ZNF195: variants seen among roughly 807,000 people sequenced by gnomAD.
The protein encoded by ZNF195 is hypoxia-regulated factor-1.
Under a neutral mutation model 19.5 loss-of-function variants are expected in ZNF195, and 11 were observed. The observed-to-expected ratio is 0.57, with a 90% CI of 0.36 to 0.94. The LOEUF (loss-of-function observed/expected upper bound fraction) is 0.94. ZNF195 is among the 40% of genes least tolerant of loss of function. ZNF195 has a pLI of 0.01. For synonymous variants in ZNF195, 214 were observed against 248.1 expected (o/e 0.86, Z 1.29); for missense variants, 582 against 709.0 (o/e 0.82, Z 2.03).
At chr11:3,366,009 G>A (rs1848862258) in intron 3 of ZNF195, among the ~76,000 whole-genome samples, 1 of 152,054 alleles carries the variant, frequency 6.6e-6, no homozygotes, top group Non-Finnish European at 1.5e-5. Context: ...TATAATCCCA[G>A]CACTTTGGGA....
At chr11:3,378,918 A>T in intron 1 of ZNF195, 120 bp downstream of exon 1, 3 of 1,204,014 alleles carry the variant, frequency 2.5e-6, no homozygotes, top group Non-Finnish European at 3.2e-6. Context: ...GTGCAGCTGG[A>T]GGGGCCTCGG....
intron 3 of ZNF195, among the ~76,000 whole-genome samples, chr11:3,363,744 T>A (rs1848737688): frequency 6.6e-6 from 1 of 152,224 alleles, no homozygotes; most frequent in African/African-American, 2.4e-5. Context: ...GTTGGAGGTA[T>A]CACACTGTCT....
At chr11:3,372,279 C>G (rs1237546736) in intron 1 of ZNF195, among the ~76,000 whole-genome samples, 1 of 152,102 alleles carries the variant, frequency 6.6e-6, no homozygotes, top group East Asian at 1.9e-4. Flanking sequence ...GAAGCAAAAC[C>G]TTTCAGATTA....
chr11:3,362,627 TA>T, intron 3 of ZNF195: 2 of 555,114 alleles, frequency 3.6e-6, no homozygotes, highest in Non-Finnish European at 3.3e-6. Context: ...AAAGAAAATT[TA>T]AAAAGAGTCA....
chr11:3,361,335 T>C (rs1848623761), intron 4 of ZNF195, among the ~76,000 whole-genome samples: 1 of 152,124 alleles, frequency 6.6e-6, no homozygotes, highest in Admixed American at 6.5e-5. Context: ...GTACAAAGTA[T>C]TAGGGTCACA....
chr11:3,364,969 C>A (rs1194743757), intron 3 of ZNF195, among the ~76,000 whole-genome samples: 1 of 152,052 alleles, frequency 6.6e-6, no homozygotes, highest in Non-Finnish European at 1.5e-5. Flanking sequence ...AAATTCCATG[C>A]AATTAGTAAC....
Position 3,366,685 on chromosome 11 carries a change from C to T in ZNF195, c.226+4290G>A, listed in dbSNP as rs1848904139. Reference sequence around the variant, plus strand: ...AATGGCCACAGTAAAAAAAAAAAATCCAGACCTGTCAAGGATGTGAAGACA... The same window carrying T: ...AATGGCCACAGTAAAAAAAAAAAATTCAGACCTGTCAAGGATGTGAAGACA... On this transcript the variant is annotated intron_variant, in intron 3 of 5. Transcript: ENST00000399602. 6 of 162,598 alleles carry T rather than the reference C, an allele frequency of 3.7e-5. No homozygotes were observed. In the South Asian group the frequency reaches 7.1e-4, roughly 19 times the overall value. The allele number at this position is 162,598 out of a possible 1,614,324, so 10.1% of individuals were successfully genotyped here.
chr11:3,371,765 G>A (rs1378852967), intron 1 of ZNF195, 62 bp from the exon 2 acceptor site: 2 of 1,527,724 alleles, frequency 1.3e-6, no homozygotes, highest in Middle Eastern at 1.8e-4. Context: ...CGAGTGAAGA[G>A]AACTGGTTCT....
Position 3,358,899 on chromosome 11 carries a change from G to T in ZNF195, c.*219C>A. On this transcript the variant is annotated 3_prime_UTR_variant, in exon 6 of 6. Coordinates refer to ENST00000399602, the MANE Select transcript of ZNF195 (RefSeq NM_001130520.3). ...TGTTGGGTTTCTCTACAAATTTTCTGAAAGTTTAAGCAACTGATGCAAGTC... is the reference window on the plus strand; with the variant it reads ...TGTTGGGTTTCTCTACAAATTTTCTTAAAGTTTAAGCAACTGATGCAAGTC... 1 of 529,172 alleles carries T rather than the reference G, an allele frequency of 1.9e-6. No homozygotes were observed. The highest frequency in any genetic ancestry group is 2.9e-6 in the Non-Finnish European group (1 of 347,362). The allele number at this position is 529,172 out of a possible 1,614,324, so 32.8% of individuals were successfully genotyped here. A position where few individuals can be genotyped will look rare whatever the true frequency, so the allele number is the denominator to read the frequency against.
chr11:3,378,039 G>A, intron 1 of ZNF195: 1 of 631,500 alleles, frequency 1.6e-6, no homozygotes, highest in Non-Finnish European at 2.0e-6. Flanking sequence ...GCTGGGCGCA[G>A]TGGCTCACGA....
chr11:3,359,762 C>T lies in ZNF195; in HGVS notation c.1246G>A (p.Asp416Asn). The change falls in exon 6 of 6, where the codon GAC becomes AAC. Residue 416 changes from aspartate to asparagine, a missense_variant. Asp to Asn is a conservative substitution (Grantham distance 23). Coordinates refer to ENST00000399602, the MANE Select transcript of ZNF195 (RefSeq NM_001130520.3). The surrounding 1 kb of genome is among the most constrained non-coding windows in gnomAD (Gnocchi z 5.5). ...TCTGAGAACCACTTGAAGATGCTGTCACATTCCTCACATTTGAAAGGTTTC... is the reference window on the plus strand; with the variant it reads ...TCTGAGAACCACTTGAAGATGCTGTTACATTCCTCACATTTGAAAGGTTTC... Reference protein sequence around the residue: ...GGKPFKCEECDSIFKWFSDLT... With the variant: ...GGKPFKCEECNSIFKWFSDLT... The T allele has an allele frequency of 6.2e-7, 1 of 1,614,188 alleles. No homozygotes were observed. Among genetic ancestry groups the T allele is most frequent in the Non-Finnish European group, 8.5e-7 (1 of 1,180,042 alleles).
intron 3 of ZNF195, chr11:3,362,422 ATAAC>A (rs1848678185): frequency 5.8e-6 from 2 of 345,516 alleles, no homozygotes; most frequent in Admixed American, 9.0e-5. Context: ...ATAATCATAA[ATAAC>A]TGTTAATGGA....
At chr11:3,378,942 G>A in intron 1 of ZNF195, 96 bp downstream of exon 1, 2 of 1,288,200 alleles carry the variant, frequency 1.6e-6, no homozygotes. Flanking sequence ...CGCGGAGCCC[G>A]GAACCCACCC....
Position 3,360,735 on chromosome 11 carries a change from A to C in ZNF195, c.427T>G (p.Cys143Gly). Residue 143 changes from cysteine (C) to glycine (G), a missense_variant, in exon 5 of 6, where the codon TGC becomes GGC. By Grantham distance (159) the Cys-to-Gly change is radical. Coordinates refer to ENST00000399602, the MANE Select transcript of ZNF195 (RefSeq NM_001130520.3). The stretch of plus-strand genomic sequence containing the variant: ...GTAACAATACCTAGTGAGAAGATGC[A>C]TCTGAACTCTAAAAACCATTTCACA... Reference protein sequence around the residue: ...QTVKWFLEFRCIFSLAMSSHF... With the variant: ...QTVKWFLEFRGIFSLAMSSHF... The C allele has an allele frequency of 6.4e-7, 1 of 1,551,700 alleles. No homozygotes were observed. Among genetic ancestry groups the C allele is most frequent in the Admixed American group, 2.0e-5 (1 of 50,996 alleles).
intron 1 of ZNF195, among the ~76,000 whole-genome samples, chr11:3,372,841 C>T (rs1358274116): frequency 2.6e-5 from 4 of 152,246 alleles, no homozygotes; most frequent in African/African-American, 7.2e-5. Context: ...AGGCAATTCT[C>T]GTCCCTCAGC....
chr11:3,360,076 G>A lies in ZNF195; in HGVS notation c.932C>T (p.Thr311Ile). The part of the protein sequence containing the change: ...KCQECNNVIK[T>I]CSVLTKNRIY... ...TCTATTTTTAGTAAGGACTGAGCAA[G>A]TTTTAATGACGTTGTTACATTCTTG... is the stretch of plus-strand genomic sequence containing the variant. The change falls in exon 6 of 6, where the codon ACT becomes ATT. Residue 311 changes from threonine to isoleucine, a missense_variant. By Grantham distance (89) the Thr-to-Ile change is moderately conservative. Coordinates refer to ENST00000399602, the MANE Select transcript of ZNF195 (RefSeq NM_001130520.3). 1 of 1,614,114 alleles carries A rather than the reference G, an allele frequency of 6.2e-7. No homozygotes were observed.
intron 1 of ZNF195, among the ~76,000 whole-genome samples, chr11:3,372,328 C>T (rs1009863918): frequency 1.3e-5 from 2 of 152,136 alleles, no homozygotes; most frequent in African/African-American, 4.8e-5. Context: ...TAAATCTCCT[C>T]AAGGTACTTA....
chr11:3,366,133 G>A (rs1271041447), intron 3 of ZNF195, among the ~76,000 whole-genome samples: 14 of 151,012 alleles, frequency 9.3e-5, no homozygotes, highest in South Asian at 2.1e-4. Flanking sequence ...GCGTGGTGGC[G>A]GGCGCCTGTA....
chr11:3,370,827 C>G (rs545048309), intron 3 of ZNF195, 148 bp downstream of exon 3: 1 of 690,794 alleles, frequency 1.4e-6, no homozygotes, highest in Non-Finnish European at 2.5e-6. Flanking sequence ...AGAAGACGCT[C>G]CTAGGGTACA....
Sources: gnomAD v4.1 joint callset for allele counts (sites outside exome capture counted in the v4.1 genomes callset) on GRCh38, gnomAD v4.1.1 for gene constraint, Gnocchi (gnomAD v3.1) non-coding constraint, MANE v1.5 for transcripts, NCBI Gene and HGNC (gene_info 2026-07-23, HGNC 2026-07-21) for gene names.